ZNF283: variants seen among roughly 807,000 people sequenced by gnomAD.
ZNF283 encodes zinc finger protein 283.
ZNF283 carries 10 observed loss-of-function variants against 9.2 expected under a neutral mutation model. The observed-to-expected ratio is 1.09, with a 90% CI of 0.67 to 1.85. ZNF283 has a LOEUF of 1.85. Ranked by LOEUF, ZNF283 falls within the 40% of genes most tolerant of loss-of-function variation. The pLI is 0.00. For synonymous variants in ZNF283, 234 were observed against 244.1 expected (o/e 0.96, Z 0.38); for missense variants, 631 against 760.1 (o/e 0.83, Z 2.00).
At chr19:43,828,407 G>C (rs940313006) in intron 2 of ZNF283, 126 bp downstream of exon 2, 1 of 152,046 alleles carries the variant, frequency 6.6e-6, no homozygotes, top group Non-Finnish European at 1.5e-5. Flanking sequence ...TACATGACCC[G>C]CCATGCTGGT....
At chr19:43,829,780 T>C (rs1384431910) in intron 2 of ZNF283, among the ~76,000 whole-genome samples, 1 of 152,052 alleles carries the variant, frequency 6.6e-6, no homozygotes, top group Non-Finnish European at 1.5e-5. Context: ...TCCCAGCACT[T>C]TGGGAGTCCG....
intron 3 of ZNF283, among the ~76,000 whole-genome samples, chr19:43,832,880 CG>C: frequency 6.6e-6 from 1 of 151,698 alleles, no homozygotes; most frequent in South Asian, 2.1e-4. Flanking sequence ...AATCATTAGT[CG>C]GGCAAGGTGG....
intron 6 of ZNF283, among the ~76,000 whole-genome samples, chr19:43,842,394 T>C (rs1268232434): frequency 1.3e-5 from 2 of 152,234 alleles, no homozygotes; most frequent in African/African-American, 4.8e-5. Context: ...TCTTTACCGG[T>C]CTTACAATTT....
At position 43,848,339 on chromosome 19, in the gene ZNF283, T is replaced by G. The variant is rs747904227; in HGVS notation, c.1738T>G (p.Phe580Val). Residue 580 changes from phenylalanine to valine, a missense_variant, in exon 7 of 7, where the codon TTC becomes GTC. Physicochemically the swap from Phe to Val is conservative, Grantham distance 50. Coordinates refer to ENST00000618787, the MANE Select transcript of ZNF283 (RefSeq NM_181845.2). Reference sequence around the variant, plus strand: ...CAAATGTAAGGAATGTGGGAAGGCCTTCAGTTGGGGTTCAAGCCTAGTTAA... The same window carrying G: ...CAAATGTAAGGAATGTGGGAAGGCCGTCAGTTGGGGTTCAAGCCTAGTTAA... Reference protein sequence around the residue: ...PFKCKECGKAFSWGSSLVKHE... With the variant: ...PFKCKECGKAVSWGSSLVKHE... 1 of 1,613,754 alleles carries G rather than the reference T, an allele frequency of 6.2e-7. No homozygotes were observed. The highest frequency in any genetic ancestry group is 1.1e-5 in the South Asian group (1 of 91,036).
Position 43,847,813 on chromosome 19 carries a change from AT to A in ZNF283, c.1213del (p.Cys405AlafsTer182). On this transcript the variant is annotated frameshift_variant, in exon 7 of 7. Coordinates refer to ENST00000618787, the MANE Select transcript of ZNF283 (RefSeq NM_181845.2). LOFTEE classifies it low-confidence loss of function (END_TRUNC). ...IFHTGEKPYE[C>X]KECGKAFNCG... is the part of the protein sequence containing the mutation. ...TTCATACTGGTGAGAAACCCTATGA[AT>A]GCAAGGAATGTGGGAAGGCTTTTAA... The A allele has an allele frequency of 6.2e-7, 1 of 1,613,532 alleles. No homozygotes were observed. Among genetic ancestry groups the A allele is most frequent in the Non-Finnish European group, 8.5e-7 (1 of 1,179,748 alleles).
chr19:43,831,999 G>A (rs769082644), intron 3 of ZNF283, among the ~76,000 whole-genome samples: 178 of 148,222 alleles, frequency 1.2e-3, no homozygotes, highest in Non-Finnish European at 1.5e-3. Context: ...CTTTTTTTCT[G>A]CAGAATAAAA....
intron 6 of ZNF283, chr19:43,837,800 G>A (rs970633072): frequency 2.6e-5 from 4 of 152,144 alleles, no homozygotes; most frequent in African/African-American, 4.8e-5. Context: ...AATATCTGGC[G>A]GAGGAACAGA....
intron 4 of ZNF283, among the ~76,000 whole-genome samples, chr19:43,834,031 C>T (rs906493540): frequency 9.2e-5 from 14 of 152,216 alleles, no homozygotes; most frequent in Admixed American, 2.6e-4. Flanking sequence ...TAAGCAATAC[C>T]GTTGAACCAT....
chr19:43,838,306 G>T (rs185199037), intron 6 of ZNF283, among the ~76,000 whole-genome samples: 29 of 152,180 alleles, frequency 1.9e-4, no homozygotes, highest in Non-Finnish European at 3.7e-4. Context: ...CAACTATTTT[G>T]TGGGGAGGAA....
At position 43,848,432 on chromosome 19, in the gene ZNF283, G is replaced by C; in HGVS notation, c.1831G>C (p.Gly611Arg). 6.2e-7 allele frequency: 1 copy of C among 1,613,980 alleles called. No individual in the cohort carries two copies. The highest frequency in any genetic ancestry group is 8.5e-7 in the Non-Finnish European group (1 of 1,179,920). The change falls in exon 7 of 7, where the codon GGC (glycine) becomes CGC (arginine). Residue 611 changes from glycine (G) to arginine (R), a missense_variant. Gly to Arg is a moderately radical substitution (Grantham distance 125, BLOSUM62 -2). Transcript: ENST00000618787. ...CKDCGKAFGSGYQLSVHQRFH... is the reference protein window; with the variant it reads ...CKDCGKAFGSRYQLSVHQRFH... ...AGACTGTGGGAAGGCCTTTGGTAGT[G>C]GCTATCAACTTAGTGTTCATCAGAG... is the stretch of plus-strand genomic sequence containing the variant.
chr19:43,848,942 C>T lies in ZNF283; in HGVS notation c.*301C>T. On this transcript the variant is annotated 3_prime_UTR_variant, in exon 7 of 7. Coordinates refer to ENST00000618787, the MANE Select transcript of ZNF283 (RefSeq NM_181845.2). ...CATTCATGACATAAGGTCTGATTAA[C>T]ATCAAATAATTGGTATTTGTTAAAA... 1 of 211,804 alleles carries T rather than the reference C, an allele frequency of 4.7e-6. No homozygotes were observed. The highest frequency in any genetic ancestry group is 9.4e-6 in the Non-Finnish European group (1 of 106,154). 13.1% of individuals were successfully genotyped at this position (211,804 alleles called of 1,614,324 possible).
At position 43,847,301 on chromosome 19, in the gene ZNF283, C is replaced by T. The variant is rs1263231145; in HGVS notation, c.700C>T (p.His234Tyr). Residue 234 changes from histidine (H) to tyrosine (Y), a missense_variant, in exon 7 of 7, where the codon CAC (histidine) becomes TAC (tyrosine). This residue lies in a region of ZNF283 where 3 missense variants were observed against 17.6 expected (regional missense o/e 0.17). Transcript: ENST00000618787. Reference protein sequence around the residue: ...QHERTHTAEKHFECKECGKNY... With the variant: ...QHERTHTAEKYFECKECGKNY... ...TGAGAGAACTCATACAGCTGAAAAA[C>T]ACTTTGAATGTAAAGAATGTGGGAA... 1.2e-6 allele frequency: 2 copies of T among 1,613,716 alleles called. No homozygotes were observed. The highest frequency in any genetic ancestry group is 2.2e-5 in the East Asian group (1 of 44,842).
chr19:43,846,945 A>C lies in ZNF283; in HGVS notation c.344A>C (p.Glu115Ala). 6.7e-7 allele frequency: 1 copy of C among 1,501,552 alleles called. No individual in the cohort carries two copies. The highest frequency in any genetic ancestry group is 8.9e-7 in the Non-Finnish European group (1 of 1,120,292). The allele number at this position is 1,501,552 out of a possible 1,614,324, so 93.0% of individuals were successfully genotyped here. A position where few individuals can be genotyped will look rare whatever the true frequency, so the allele number is the denominator to read the frequency against. The change falls in exon 7 of 7, where the codon GAG (glutamate) becomes GCG (alanine). Residue 115 changes from glutamate to alanine, a missense_variant. Glu to Ala is a moderately radical substitution (Grantham distance 107, BLOSUM62 -1). This residue lies in a region of ZNF283 where 184 missense variants were observed against 220.0 expected (regional missense o/e 0.84). Transcript: ENST00000618787. ...NYSNLVSLDL[E>A]SKTYETKKIF... ...TTTTCTTGTTTTCTTTCAGATTTGG[A>C]GTCAAAAACGTATGAGACCAAAAAA...
intron 4 of ZNF283, among the ~76,000 whole-genome samples, chr19:43,834,758 G>T (rs1322513448): frequency 6.6e-6 from 1 of 151,796 alleles, no homozygotes; most frequent in East Asian, 1.9e-4. Flanking sequence ...ACCACGCCTG[G>T]CTAATTTTTT....
In ZNF283 at chr19:43,835,577, C is replaced by T; in HGVS notation, c.195C>T (p.Ser65=). The T allele has an allele frequency of 6.2e-7, 1 of 1,606,872 alleles. No homozygotes were observed. Among genetic ancestry groups the T allele is most frequent in the Non-Finnish European group, 8.5e-7 (1 of 1,175,672 alleles). The change falls in exon 5 of 7, where the codon TCC becomes TCT. Residue 65 remains serine, a synonymous_variant. Transcript: ENST00000618787. ...GAGCATTAATTAGTTCTTGCAATTC[C>T]AGAACCATGACTGATGTAAGTTGGT... The part of the protein sequence containing the change: ...SHGALISSCN[S]RTMTDGLVTF...
chr19:43,837,830 A>G (rs1326419322), intron 6 of ZNF283: 1 of 152,222 alleles, frequency 6.6e-6, no homozygotes, highest in Non-Finnish European at 1.5e-5. Context: ...GTGAACAGCA[A>G]ATGCAAAGAC....
In ZNF283 at chr19:43,848,302, T is replaced by C; in HGVS notation, c.1701T>C (p.Gly567=). The change falls in exon 7 of 7, where the codon GGT becomes GGC. Residue 567 remains glycine (G), a synonymous_variant. Coordinates refer to ENST00000618787, the MANE Select transcript of ZNF283 (RefSeq NM_181845.2). ...HLTQHQKIHT[G]EKPFKCKECG... ...CTCAACATCAGAAAATTCATACCGG[T>C]GAGAAACCTTTCAAATGTAAGGAAT... The C allele has an allele frequency of 6.2e-7, 1 of 1,613,334 alleles. No individual in the cohort carries two copies. The highest frequency in any genetic ancestry group is 8.5e-7 in the Non-Finnish European group (1 of 1,179,778).
intron 4 of ZNF283, among the ~76,000 whole-genome samples, chr19:43,834,555 A>C (rs895262588): frequency 6.6e-6 from 1 of 151,010 alleles, no homozygotes; most frequent in Non-Finnish European, 1.5e-5. Context: ...AAATGTTATT[A>C]ATATATATAG....
chr19:43,838,432 C>T (rs1912274076), intron 6 of ZNF283, among the ~76,000 whole-genome samples: 1 of 152,126 alleles, frequency 6.6e-6, no homozygotes, highest in Admixed American at 6.5e-5. Context: ...TCGAGACCAG[C>T]ATGGGCAGCA....
Sources: gnomAD v4.1 joint callset for allele counts (sites outside exome capture counted in the v4.1 genomes callset) on GRCh38, gnomAD v4.1.1 for gene constraint, gnomAD v4.1.1 regional missense constraint, MANE v1.5 for transcripts, NCBI Gene and HGNC (gene_info 2026-07-23, HGNC 2026-07-21) for gene names.